Variants in LRRC69 observed in about 807,000 individuals in gnomAD.
LRRC69 encodes leucine-rich repeat-containing protein 69.
A neutral mutation model predicts 37.8 loss-of-function variants in LRRC69; 42 were observed. The ratio of observed to expected loss-of-function variants is 1.11; its 90% CI spans 0.87 to 1.44. The LOEUF (loss-of-function observed/expected upper bound fraction) is 1.44. Ranked by LOEUF, LRRC69 falls within the 40% of genes most tolerant of loss-of-function variation. The pLI is 0.00. For missense variants in LRRC69, 357 were observed against 401.9 expected, an observed-to-expected ratio of 0.89 and a Z score of 0.96; for synonymous variants, 141 against 143.1, an observed-to-expected ratio of 0.99 and a Z score of 0.11.
At chr8:91,200,782 C>T in exon 7 of LRRC69, 2 of 1,529,702 alleles carry the variant, frequency 1.3e-6, no homozygotes, top group South Asian at 1.3e-5. Context: ...CGATTTGTTC[C>T]TCCACCAAAG....
At chr8:91,133,288 A>G in exon 4 of LRRC69, 1 of 1,505,718 alleles carries the variant, frequency 6.6e-7, no homozygotes, top group Non-Finnish European at 8.8e-7. Flanking sequence ...CAGAAACAAC[A>G]TTGGAGTTTT....
At chr8:91,150,363 T>C (rs1446068604) in intron 5 of LRRC69, among the ~76,000 whole-genome samples, 1 of 152,004 alleles carries the variant, frequency 6.6e-6, no homozygotes, top group Non-Finnish European at 1.5e-5. Flanking sequence ...TTGTCATTGG[T>C]TCTGTTTATG....
intron 5 of LRRC69, among the ~76,000 whole-genome samples, chr8:91,149,577 TG>T (rs1330235533): frequency 2.0e-5 from 3 of 152,046 alleles, no homozygotes; most frequent in Admixed American, 6.6e-5. Flanking sequence ...GGCTCTTTTT[TG>T]GTTCCATATG....
At chr8:91,103,991 T>TC (rs1813264822) in intron 1 of LRRC69, among the ~76,000 whole-genome samples, 1 of 151,896 alleles carries the variant, frequency 6.6e-6, no homozygotes, top group South Asian at 2.1e-4. Context: ...CTATCCCACT[T>TC]CCCCTCATCC....
intron 1 of LRRC69, among the ~76,000 whole-genome samples, chr8:91,110,874 C>A (rs566885891): frequency 6.6e-6 from 1 of 152,010 alleles, no homozygotes; most frequent in Non-Finnish European, 1.5e-5. Flanking sequence ...AGAAAGCATG[C>A]AGCTCATTAG....
chr8:91,135,301 C>T lies in LRRC69; in HGVS notation c.580-367C>T, dbSNP rs145209065. ...TAACTTAAGTAATCCATTCAACAACCGTATGACTTAAGGGCTTCTATTAGC... is the reference window on the plus strand; with the variant it reads ...TAACTTAAGTAATCCATTCAACAACTGTATGACTTAAGGGCTTCTATTAGC... On this transcript the variant is annotated intron_variant, in intron 4 of 7. Coordinates refer to ENST00000448384, the Ensembl canonical transcript of LRRC69. Among the ~76,000 whole-genome samples, 786 of 152,142 alleles carry T rather than the reference C, an allele frequency of 5.2e-3. 5 individuals carry two copies. The highest frequency in any genetic ancestry group is 0.017 in the African/African-American group (723 of 41,556).
chr8:91,145,908 GAA>G (rs953806031), intron 5 of LRRC69, among the ~76,000 whole-genome samples: 1 of 151,764 alleles, frequency 6.6e-6, no homozygotes, highest in Non-Finnish European at 1.5e-5. Flanking sequence ...AAAGCAGAGA[GAA>G]AAAATTATGA....
At chr8:91,166,748 G>C (rs868556705) in intron 5 of LRRC69, among the ~76,000 whole-genome samples, 1 of 151,770 alleles carries the variant, frequency 6.6e-6, no homozygotes, top group South Asian at 2.1e-4. Context: ...TAGAGTGCAA[G>C]TTCCACTGAA....
intron 5 of LRRC69, chr8:91,157,206 T>A: frequency 6.0e-6 from 6 of 996,154 alleles, no homozygotes; most frequent in Non-Finnish European, 9.4e-6. Flanking sequence ...TTGCTTTGTG[T>A]AATATAATCA....
At chr8:91,136,786 G>A (rs1808429729) in intron 5 of LRRC69, among the ~76,000 whole-genome samples, 1 of 151,934 alleles carries the variant, frequency 6.6e-6, no homozygotes, top group African/African-American at 2.4e-5. Flanking sequence ...GGTACTCTAG[G>A]TACCAGATAA....
intron 1 of LRRC69, among the ~76,000 whole-genome samples, chr8:91,117,559 CTTTTT>C (rs35003763): frequency 8.7e-6 from 1 of 115,138 alleles, no homozygotes; most frequent in Non-Finnish European, 1.7e-5. Flanking sequence ...ACAAGATCCA[CTTTTT>C]TTTTTTTTTT....
chr8:91,138,548 A>G (rs1808463081), intron 5 of LRRC69, among the ~76,000 whole-genome samples: 2 of 139,348 alleles, frequency 1.4e-5, no homozygotes, highest in Admixed American at 1.4e-4. Context: ...TTTTCAGAGC[A>G]GTATTTTTTT....
intron 5 of LRRC69, among the ~76,000 whole-genome samples, chr8:91,167,926 T>A (rs1232368043): frequency 6.6e-6 from 1 of 151,954 alleles, no homozygotes; most frequent in Non-Finnish European, 1.5e-5. Context: ...TCTGTAGAGA[T>A]CCTTAAATTC....
intron 6 of LRRC69, among the ~76,000 whole-genome samples, chr8:91,198,354 C>T (rs1045635890): frequency 6.6e-6 from 1 of 152,110 alleles, no homozygotes; most frequent in Admixed American, 6.5e-5. Flanking sequence ...GACCACACAG[C>T]AAATAAGTCA....
intron 5 of LRRC69, among the ~76,000 whole-genome samples, chr8:91,153,704 CAGCTAA>C (rs1808782446): frequency 6.6e-6 from 1 of 151,968 alleles, no homozygotes; most frequent in East Asian, 1.9e-4. Flanking sequence ...CTCTGGGATG[CAGCTAA>C]AGCAGTGATA....
intron 6 of LRRC69, among the ~76,000 whole-genome samples, chr8:91,194,853 C>T (rs1809567869): frequency 6.6e-6 from 1 of 151,832 alleles, no homozygotes; most frequent in Admixed American, 6.6e-5. Context: ...TTCAGTTCTG[C>T]TCTGATTTTA....
At chr8:91,165,040 A>C (rs1809004472) in intron 5 of LRRC69, among the ~76,000 whole-genome samples, 1 of 151,608 alleles carries the variant, frequency 6.6e-6, no homozygotes, top group Non-Finnish European at 1.5e-5. Context: ...ACTCCTACGA[A>C]GGTTCATTTG....
chr8:91,110,264 A>G (rs773442185), intron 1 of LRRC69, among the ~76,000 whole-genome samples: 3 of 152,098 alleles, frequency 2.0e-5, no homozygotes, highest in Non-Finnish European at 4.4e-5. Flanking sequence ...GTTTATTCCA[A>G]AATGGTATAA....
intron 7 of LRRC69, among the ~76,000 whole-genome samples, chr8:91,213,147 G>A (rs564666157): frequency 1.9e-4 from 29 of 152,052 alleles, no homozygotes; most frequent in Non-Finnish European, 5.9e-5. Context: ...GATTATGCAG[G>A]GGGTGCTGTG....
Sources: gnomAD v4.1 joint callset for allele counts (sites outside exome capture counted in the v4.1 genomes callset) on GRCh38, gnomAD v4.1.1 for gene constraint, MANE v1.5 for transcripts, NCBI Gene and HGNC (gene_info 2026-07-23, HGNC 2026-07-21) for gene names.